LYST: variants seen among roughly 807,000 people sequenced by gnomAD.
The protein encoded by LYST is lysosomal-trafficking regulator.
Under a neutral mutation model 413.6 loss-of-function variants are expected in LYST, and 192 were observed. The ratio of observed to expected loss-of-function variants is 0.46; its 90% CI spans 0.41 to 0.52. LYST has a LOEUF of 0.52. Ranked by LOEUF, LYST falls within the 20% of genes least tolerant of loss-of-function variation. LYST has a pLI of 0.00. For missense variants in LYST, 3,815 were observed against 4,499.9 expected (o/e 0.85, Z 4.35); for synonymous variants, 1,525 against 1,567.3 (o/e 0.97, Z 0.64).
upstream of LYST, among the ~76,000 whole-genome samples, chr1:235,871,117 T>C (rs983999387): frequency 5.9e-5 from 9 of 152,282 alleles, no homozygotes; most frequent in Non-Finnish European, 1.2e-4. Flanking sequence ...TGCGTCTTGG[T>C]AGCCACCTTG....
intron 50 of LYST, among the ~76,000 whole-genome samples, chr1:235,671,282 AAAT>A (rs1252656584): frequency 6.6e-6 from 1 of 152,232 alleles, no homozygotes; most frequent in Admixed American, 6.5e-5. Flanking sequence ...TGGAGAAGAC[AAAT>A]AATAACAATA....
intron 31 of LYST, chr1:235,735,963 T>C (rs941748957): frequency 6.6e-6 from 1 of 152,148 alleles, no homozygotes; most frequent in Admixed American, 6.5e-5. Context: ...AAGTGTGTCT[T>C]AAAGGTAATG....
chr1:235,731,191 G>T lies in LYST; in HGVS notation c.8802-14C>A, dbSNP rs1300406355. ...TACCATACTGCTCTGCAAGTAAAAA[G>T]ATTAAAGGGTGTTTTAAGTGACCAT... On this transcript the variant is annotated splice_polypyrimidine_tract_variant and intron_variant, in intron 34 of 52. Transcript: ENST00000389793. The T allele has an allele frequency of 1.9e-6, 3 of 1,613,568 alleles. No individual in the cohort carries two copies. The highest frequency in any genetic ancestry group is 2.5e-6 in the Non-Finnish European group (3 of 1,179,566).
intron 48 of LYST, among the ~76,000 whole-genome samples, chr1:235,683,106 A>G (rs1287152806): frequency 6.6e-6 from 1 of 152,258 alleles, no homozygotes; most frequent in Non-Finnish European, 1.5e-5. Flanking sequence ...GTTATGGGTA[A>G]ACACAACATA....
At chr1:235,869,565 C>A (rs1412160768), upstream of LYST, among the ~76,000 whole-genome samples, 3 of 152,214 alleles carry the variant, frequency 2.0e-5, no homozygotes, top group Non-Finnish European at 4.4e-5. Context: ...TAATTTGACT[C>A]CAGAATTATA....
intron 39 of LYST, among the ~76,000 whole-genome samples, chr1:235,723,100 G>T (rs1230302848): frequency 6.6e-6 from 1 of 152,152 alleles, no homozygotes; most frequent in African/African-American, 2.4e-5. Flanking sequence ...TATGAGAGAA[G>T]AACAAGAGTC....
Position 235,781,061 on chromosome 1 carries a change from T to G in LYST, c.5024-6A>C. The G allele has an allele frequency of 1.3e-6, 2 of 1,593,042 alleles. No homozygotes were observed. Among genetic ancestry groups the G allele is most frequent in the Non-Finnish European group, 1.7e-6 (2 of 1,162,398 alleles). ...TTGTGAACCAACCTTAGCTCCTGAATAGCAGAAAAATAAAGTTAGTTATTT... is the reference window on the plus strand; with the variant it reads ...TTGTGAACCAACCTTAGCTCCTGAAGAGCAGAAAAATAAAGTTAGTTATTT... On this transcript the variant is annotated splice_polypyrimidine_tract_variant and splice_region_variant and intron_variant, in intron 15 of 52. Transcript: ENST00000389793.
rs757284196 is a variant in LYST, at chr1:235,702,894, C to T, written c.10227G>A (p.Gln3409=). 3 of 1,614,194 alleles carry T rather than the reference C, an allele frequency of 1.9e-6. No individual in the cohort carries two copies. The highest frequency in any genetic ancestry group is 1.7e-5 in the Admixed American group (1 of 60,024). Residue 3409 remains glutamine (Q), a synonymous_variant, in exon 45 of 53, where the codon CAG becomes CAA. Coordinates refer to ENST00000389793, the MANE Select transcript of LYST (RefSeq NM_000081.4). The part of the protein sequence containing the change: ...ALETMIKTYG[Q]TPRQLFHMAH... The stretch of plus-strand genomic sequence containing the variant: ...CCATGTGGAACAGCTGACGGGGAGT[C>T]TGCCCGTAGGTTTTTATCATGGTTT...
Position 235,778,098 on chromosome 1 carries a change from A to AATATATAT in LYST, c.5215-798_5215-791dup, listed in dbSNP as rs139907712. ...CCACCACACCCAGTTAACCCAGTTAAATATATATATATATATATATATATT... is the reference window on the plus strand; with the variant it reads ...CCACCACACCCAGTTAACCCAGTTAAATATATATATATATATATATATATATATATATT... On this transcript the variant is annotated intron_variant, in intron 16 of 52. Transcript: ENST00000389793. 5.4e-3 allele frequency among the ~76,000 whole-genome samples: 695 copies of AATATATAT among 128,022 alleles called. 37 individuals are homozygous for AATATATAT. The highest frequency in any genetic ancestry group is 0.019 in the African/African-American group (519 of 26,710). The allele number at this position is 128,022 out of a possible 152,430, so 84.0% of individuals were successfully genotyped here.
At position 235,758,871 on chromosome 1, in the gene LYST, T is replaced by A. The variant is rs2103350104; in HGVS notation, c.6881+101A>T. On this transcript the variant is annotated intron_variant, in intron 23 of 52. Transcript: ENST00000389793. ...TAAAGAAATAAACTTTTCTGTTTGTTGTATTATAAGTGGCATAATGAAGAC... is the reference window on the plus strand; with the variant it reads ...TAAAGAAATAAACTTTTCTGTTTGTAGTATTATAAGTGGCATAATGAAGAC... The A allele has an allele frequency of 1.1e-5, 11 of 968,374 alleles. No individual in the cohort carries two copies. In the East Asian group the frequency reaches 2.8e-4, roughly 25 times the overall value. The allele number at this position is 968,374 out of a possible 1,614,324, so 60.0% of individuals were successfully genotyped here.
At chr1:235,874,608 T>C (rs752001217) in intron 1 of LYST, among the ~76,000 whole-genome samples, 1 of 152,186 alleles carries the variant, frequency 6.6e-6, no homozygotes, top group Non-Finnish European at 1.5e-5. Flanking sequence ...GCAGAAAACA[T>C]TTTTTTCATA....
At chr1:235,742,220 C>T (rs1665473810) in intron 30 of LYST, among the ~76,000 whole-genome samples, 1 of 151,830 alleles carries the variant, frequency 6.6e-6, no homozygotes, top group African/African-American at 2.4e-5. Flanking sequence ...TTTGGGAGGC[C>T]GAGGCAGGTG....
chr1:235,764,741 A>T (rs1667963810), intron 21 of LYST, among the ~76,000 whole-genome samples: 1 of 151,640 alleles, frequency 6.6e-6, no homozygotes, highest in South Asian at 2.1e-4. Flanking sequence ...GACCTCAGGT[A>T]ATCTGCCTGC....
At chr1:235,867,311 A>G (rs1201193846), upstream of LYST, among the ~76,000 whole-genome samples, 4 of 152,188 alleles carry the variant, frequency 2.6e-5, no homozygotes, top group East Asian at 1.9e-4. Flanking sequence ...CTTCCATTCA[A>G]CACAGACTGT....
At chr1:235,811,749 G>A (rs1437146484) in intron 4 of LYST, among the ~76,000 whole-genome samples, 1 of 152,076 alleles carries the variant, frequency 6.6e-6, no homozygotes, top group Admixed American at 6.6e-5. Context: ...CAGATGGGAA[G>A]AGGAGAAATT....
At chr1:235,813,933 G>A (rs1466748630) in intron 3 of LYST, among the ~76,000 whole-genome samples, 1 of 152,182 alleles carries the variant, frequency 6.6e-6, no homozygotes, top group Non-Finnish European at 1.5e-5. Context: ...AACAGAATTA[G>A]TTGGAAGGGG....
chr1:235,710,567 TATG>T (rs1221955250), intron 43 of LYST, among the ~76,000 whole-genome samples: 7 of 152,168 alleles, frequency 4.6e-5, no homozygotes, highest in African/African-American at 1.7e-4. Context: ...TAGGAAATGA[TATG>T]ATATACGCTG....
rs1249583564 is a variant in LYST, at chr1:235,775,148, T to C, written c.5461-62A>G. 5.9e-6 allele frequency: 7 copies of C among 1,184,502 alleles called. No individual in the cohort carries two copies. The East Asian group carries it at 1.4e-4, about 24-fold the overall frequency. The allele number at this position is 1,184,502 out of a possible 1,614,324, so 73.4% of individuals were successfully genotyped here. On this transcript the variant is annotated intron_variant, in intron 17 of 52. Coordinates refer to ENST00000389793, the MANE Select transcript of LYST (RefSeq NM_000081.4). The stretch of plus-strand genomic sequence containing the variant: ...ATTTGCTGAGAGTAAAAATTTAACA[T>C]GTATAATCTTCCATTCTGTAACATC...
At chr1:235,691,189 A>G (rs1320074166) in intron 47 of LYST, among the ~76,000 whole-genome samples, 1 of 152,184 alleles carries the variant, frequency 6.6e-6, no homozygotes, top group Non-Finnish European at 1.5e-5. Flanking sequence ...AAGCGCTGGG[A>G]TAACAGGCTT....
Sources: gnomAD v4.1 joint callset for allele counts (sites outside exome capture counted in the v4.1 genomes callset) on GRCh38, gnomAD v4.1.1 for gene constraint, MANE v1.5 for transcripts, NCBI Gene and HGNC (gene_info 2026-07-23, HGNC 2026-07-21) for gene names.